The following GLIS1 variants were observed in gnomAD, a reference collection of about 807,000 sequenced individuals.
The protein encoded by GLIS1 is zinc finger protein GLIS1.
Under a neutral mutation model 63.8 loss-of-function variants are expected in GLIS1, and 24 were observed. The ratio of observed to expected loss-of-function variants is 0.38; its 90% confidence interval spans 0.27 to 0.53. The LOEUF (loss-of-function observed/expected upper bound fraction) is 0.53, where lower values mean the gene tolerates loss of function less well. GLIS1 is among the 20% of genes least tolerant of loss of function. The pLI is 0.85. For synonymous variants in GLIS1, 450 were observed against 482.5 expected (o/e 0.93, Z 0.88); for missense variants, 1,036 against 1,074.1 (o/e 0.96, Z 0.50).
chr1:53,597,144 A>T (rs1324362458), intron 3 of GLIS1, among the ~76,000 whole-genome samples: 1 of 147,122 alleles, frequency 6.8e-6, no homozygotes, highest in Non-Finnish European at 1.5e-5. Flanking sequence ...AATGCATAAA[A>T]AGTGCTTGGC....
chr1:53,554,311 C>G (rs761662657), intron 4 of GLIS1, among the ~76,000 whole-genome samples: 1 of 152,160 alleles, frequency 6.6e-6, no homozygotes, highest in African/African-American at 2.4e-5. Flanking sequence ...CAATGAGTCA[C>G]GAGTAGAGAC....
intron 2 of GLIS1, among the ~76,000 whole-genome samples, chr1:53,640,567 G>A (rs973842259): frequency 2.0e-5 from 3 of 152,178 alleles, no homozygotes; most frequent in Non-Finnish European, 4.4e-5. Flanking sequence ...TTTAGAGTCT[G>A]ACAGCAGCAG....
At chr1:53,685,941 T>G (rs1394918919) in intron 2 of GLIS1, among the ~76,000 whole-genome samples, 1 of 151,798 alleles carries the variant, frequency 6.6e-6, no homozygotes, top group Non-Finnish European at 1.5e-5. Flanking sequence ...CACCTCAGAT[T>G]CTCCCCACTC....
At chr1:53,649,904 T>A (rs1238662764) in intron 2 of GLIS1, among the ~76,000 whole-genome samples, 1 of 152,166 alleles carries the variant, frequency 6.6e-6, no homozygotes, top group African/African-American at 2.4e-5. Flanking sequence ...GCAGTTAAGT[T>A]TTTGGACAGT....
At chr1:53,538,395 A>C (rs1644603973) in intron 4 of GLIS1, among the ~76,000 whole-genome samples, 1 of 152,190 alleles carries the variant, frequency 6.6e-6, no homozygotes, top group Non-Finnish European at 1.5e-5. Flanking sequence ...AGCTCTCCCT[A>C]AACACCATCT....
chr1:53,615,983 G>C (rs150795909), intron 2 of GLIS1, among the ~76,000 whole-genome samples: 154 of 152,218 alleles, frequency 1.0e-3, no homozygotes, highest in African/African-American at 3.6e-3. Flanking sequence ...CCTGAGCTCA[G>C]GCAATCCACC....
chr1:53,574,375 T>C lies in GLIS1; in HGVS notation c.1320+19733A>G, dbSNP rs531278146. 3.9e-5 allele frequency among the ~76,000 whole-genome samples: 6 copies of C among 152,300 alleles called. No homozygotes were observed. Among genetic ancestry groups the C allele is most frequent in the Admixed American group, 3.3e-4 (5 of 15,304 alleles). The stretch of plus-strand genomic sequence containing the variant: ...ATATTCTGGGTACTCAATAAGATTA[T>C]TGAATGAATGAACACTTCTCACCTT... On this transcript the variant is annotated intron_variant, in intron 4 of 10. Coordinates refer to ENST00000628545, the MANE Select transcript of GLIS1 (RefSeq NM_001367484.1). This position sits in a 1 kb window ranked among gnomAD's most constrained non-coding sequence, Gnocchi z 4.2.
intron 6 of GLIS1, among the ~76,000 whole-genome samples, chr1:53,521,796 A>G (rs74682663): frequency 0.026 from 3,990 of 152,324 alleles, 194 homozygotes; most frequent in African/African-American, 0.092. Context: ...CATCTTCCAG[A>G]GCCAGGATGG....
chr1:53,580,479 T>G (rs1192110185), intron 4 of GLIS1, among the ~76,000 whole-genome samples: 6 of 152,124 alleles, frequency 3.9e-5, no homozygotes, highest in Non-Finnish European at 8.8e-5. Context: ...GAGCCCAAAT[T>G]ACACGTGACT....
chr1:53,516,801 T>C (rs533448677), intron 7 of GLIS1, among the ~76,000 whole-genome samples: 12 of 147,080 alleles, frequency 8.2e-5, no homozygotes, highest in South Asian at 2.2e-4. Context: ...CGACTCCATC[T>C]CAAAAAAAAA....
At chr1:53,519,783 G>A (rs1644388124) in intron 7 of GLIS1, among the ~76,000 whole-genome samples, 1 of 152,218 alleles carries the variant, frequency 6.6e-6, no homozygotes, top group South Asian at 2.1e-4. Flanking sequence ...GTTTAGCGAT[G>A]AGCTGGAAGT....
chr1:53,603,932 C>T (rs1012473666), intron 2 of GLIS1, among the ~76,000 whole-genome samples: 2 of 152,236 alleles, frequency 1.3e-5, no homozygotes, highest in Non-Finnish European at 2.9e-5. Context: ...AGGAAAGGGC[C>T]TGCCCCAGCC....
intron 2 of GLIS1, among the ~76,000 whole-genome samples, chr1:53,675,231 T>G (rs1240853509): frequency 1.3e-5 from 2 of 152,230 alleles, no homozygotes; most frequent in African/African-American, 4.8e-5. Flanking sequence ...TTCATTCACT[T>G]ACTCTCCAAG....
chr1:53,594,239 C>G lies in GLIS1; in HGVS notation c.1189G>C (p.Asp397His), dbSNP rs539985102. 3 of 1,613,822 alleles carry G rather than the reference C, an allele frequency of 1.9e-6. No individual in the cohort carries two copies. In the South Asian group the frequency reaches 3.3e-5, roughly 18 times the overall value. ...LVRHIEKSHI[D>H]QRKGEDFTCF... ...GTGAAGTCCTCGCCCTTGCGCTGGT[C>G]GATGTGGCTCTTCTCGATGTGCCGC... The change falls in exon 4 of 11, where the codon GAC becomes CAC. Residue 397 changes from aspartate (D) to histidine (H), a missense_variant. Physicochemically the swap from Asp to His is moderately conservative, Grantham distance 81. Around this residue, in one of 3 missense-constraint regions of GLIS1, gnomAD observed 592 missense variants for 593.9 expected, o/e 1.00. Transcript: ENST00000628545.
chr1:53,692,657 C>G (rs1646419096), intron 2 of GLIS1, among the ~76,000 whole-genome samples: 1 of 152,192 alleles, frequency 6.6e-6, no homozygotes, highest in Non-Finnish European at 1.5e-5. Context: ...GGTGTGGGCT[C>G]TAGCCTGAGT....
At chr1:53,601,509 T>C (rs1189439918) in intron 2 of GLIS1, among the ~76,000 whole-genome samples, 1 of 152,136 alleles carries the variant, frequency 6.6e-6, no homozygotes, top group Non-Finnish European at 1.5e-5. Flanking sequence ...GAAAAGGACA[T>C]CAGCAAGCGC....
intron 4 of GLIS1, among the ~76,000 whole-genome samples, chr1:53,534,125 G>A (rs1187330243): frequency 6.6e-6 from 1 of 151,854 alleles, no homozygotes; most frequent in Non-Finnish European, 1.5e-5. Flanking sequence ...GTGTAGGGCT[G>A]GGAGGGCTGC....
chr1:53,651,839 A>C (rs1488974558), intron 2 of GLIS1, among the ~76,000 whole-genome samples: 3 of 149,288 alleles, frequency 2.0e-5, no homozygotes, highest in Non-Finnish European at 4.4e-5. Context: ...GTGCCACTGC[A>C]CTCCAGACTG....
At chr1:53,614,346 A>G (rs899098498) in intron 2 of GLIS1, among the ~76,000 whole-genome samples, 1 of 152,196 alleles carries the variant, frequency 6.6e-6, no homozygotes, top group Non-Finnish European at 1.5e-5. Flanking sequence ...ACATTTGAAC[A>G]GAGGCCTGAG....
Sources: gnomAD v4.1 joint callset for allele counts (sites outside exome capture counted in the v4.1 genomes callset) on GRCh38, gnomAD v4.1.1 for gene constraint, gnomAD v4.1.1 regional missense constraint, Gnocchi (gnomAD v3.1) non-coding constraint, MANE v1.5 for transcripts, NCBI Gene and HGNC (gene_info 2026-07-23, HGNC 2026-07-21) for gene names.